Variants in TMEM120B observed in about 807,000 individuals in gnomAD.
TMEM120B encodes the protein transmembrane protein 120B.
In TMEM120B, 31 loss-of-function variants were observed where a neutral mutation model predicts 55.5. That is an observed-to-expected ratio of 0.56 (90% CI 0.42 to 0.75). TMEM120B has a LOEUF of 0.75. Ranked by LOEUF, TMEM120B falls within the 30% of genes least tolerant of loss-of-function variation. The pLI is 0.00. For synonymous variants in TMEM120B, 203 were observed against 176.3 expected, an observed-to-expected ratio of 1.15 and a Z score of -1.20; for missense variants, 399 against 425.5, an observed-to-expected ratio of 0.94 and a Z score of 0.55.
chr12:121,730,875 T>G (rs920554248), intron 1 of TMEM120B, among the ~76,000 whole-genome samples: 4 of 151,670 alleles, frequency 2.6e-5, no homozygotes, highest in African/African-American at 9.7e-5. Flanking sequence ...GGAGAATCAC[T>G]TGAACCCAGG....
At chr12:121,763,898 A>G (rs1338263686) in intron 6 of TMEM120B, among the ~76,000 whole-genome samples, 4 of 152,118 alleles carry the variant, frequency 2.6e-5, no homozygotes, top group African/African-American at 7.2e-5. Flanking sequence ...GTGGTTTCGT[A>G]TGGCAGGTCC....
Position 121,773,406 on chromosome 12 carries a change from G to A in TMEM120B, c.680-15G>A. The A allele has an allele frequency of 1.2e-6, 2 of 1,604,498 alleles. No homozygotes were observed. The highest frequency in any genetic ancestry group is 1.7e-6 in the Non-Finnish European group (2 of 1,175,648). On this transcript the variant is annotated splice_polypyrimidine_tract_variant and intron_variant, in intron 8 of 11. Coordinates refer to ENST00000449592, the MANE Select transcript of TMEM120B (RefSeq NM_001080825.2). ...ACACCAGGCCCTGAGCCCAGGTGCT[G>A]TGCTCCCCCTGCAGGCTGCGTCCAG...
chr12:121,739,278 A>G (rs1872850415), intron 1 of TMEM120B, among the ~76,000 whole-genome samples: 1 of 152,218 alleles, frequency 6.6e-6, no homozygotes, highest in Non-Finnish European at 1.5e-5. Flanking sequence ...AGATATGAAC[A>G]GTACCAGAAG....
chr12:121,781,164 G>C lies in TMEM120B; in HGVS notation c.*5442G>C, dbSNP rs923255605. On this transcript the variant is annotated 3_prime_UTR_variant, in exon 12 of 12. Transcript: ENST00000449592. ...CGAGGTGGGTGTTCTGGTAGGACAG[G>C]GGCCGCAGCCGGTCATAGTCTTCTT... 6.2e-7 allele frequency: 1 copy of C among 1,614,206 alleles called. No individual in the cohort carries two copies. The highest frequency in any genetic ancestry group is 8.5e-7 in the Non-Finnish European group (1 of 1,180,040).
chr12:121,750,498 C>A, intron 4 of TMEM120B, 59 bp downstream of exon 4: 1 of 1,403,570 alleles, frequency 7.1e-7, no homozygotes, highest in Admixed American at 1.8e-5. Context: ...ACACCCACAC[C>A]CACACCCCAA....
In TMEM120B at chr12:121,752,118, G is replaced by A. The variant is rs1440640572; in HGVS notation, c.366-10G>A. 4 of 1,612,386 alleles carry A rather than the reference G, an allele frequency of 2.5e-6. No homozygotes were observed. The Admixed American group carries it at 6.7e-5, about 27-fold the overall frequency. On this transcript the variant is annotated splice_polypyrimidine_tract_variant and intron_variant, in intron 4 of 11. Transcript: ENST00000449592. The stretch of plus-strand genomic sequence containing the variant: ...AAGGGGCACACCCCTGGGCGTGTCT[G>A]TCGTGGCAGGTTCGCCTACAAGGAC...
chr12:121,719,970 G>A (rs541259741), intron 1 of TMEM120B, among the ~76,000 whole-genome samples: 2 of 152,292 alleles, frequency 1.3e-5, no homozygotes, highest in South Asian at 4.1e-4. Flanking sequence ...AGAGTGCTGG[G>A]ATTATAGGCA....
At chr12:121,730,755 C>T (rs552491826) in intron 1 of TMEM120B, among the ~76,000 whole-genome samples, 6 of 150,478 alleles carry the variant, frequency 4.0e-5, no homozygotes, top group African/African-American at 9.8e-5. Flanking sequence ...GTTGGGAGTT[C>T]GAGACCAGCC....
chr12:121,763,572 A>G (rs1159485248), intron 6 of TMEM120B, among the ~76,000 whole-genome samples: 2 of 152,054 alleles, frequency 1.3e-5, no homozygotes, highest in African/African-American at 4.8e-5. Context: ...CCTCCCGAGT[A>G]GCTAGGATCA....
intron 6 of TMEM120B, among the ~76,000 whole-genome samples, chr12:121,762,467 T>C (rs1389799584): frequency 6.6e-6 from 1 of 152,154 alleles, no homozygotes. Context: ...TCCAAGACTC[T>C]CACTGGGTCG....
chr12:121,775,824 C>A lies in TMEM120B; in HGVS notation c.*102C>A. ...GGCCCGTGGCATCGCTGGGAGAGGG[C>A]CCAGGCCCTGGTCCCCCAGTGGACC... On this transcript the variant is annotated 3_prime_UTR_variant, in exon 12 of 12. Transcript: ENST00000449592. This position sits in a 1 kb window ranked among gnomAD's most constrained non-coding sequence, Gnocchi z 4.3. 1 of 1,291,652 alleles carries A rather than the reference C, an allele frequency of 7.7e-7. No homozygotes were observed. The highest frequency in any genetic ancestry group is 1.1e-6 in the Non-Finnish European group (1 of 912,726). 80.0% of individuals were successfully genotyped at this position (1,291,652 alleles called of 1,614,324 possible). A position where few individuals can be genotyped will look rare whatever the true frequency, so the allele number is the denominator to read the frequency against.
At chr12:121,729,487 C>T (rs1382066454) in intron 1 of TMEM120B, among the ~76,000 whole-genome samples, 1 of 152,158 alleles carries the variant, frequency 6.6e-6, no homozygotes, top group African/African-American at 2.4e-5. Flanking sequence ...TCCAGCAATT[C>T]CACTTCTGGG....
intron 1 of TMEM120B, among the ~76,000 whole-genome samples, chr12:121,717,673 T>C (rs1477523751): frequency 1.3e-5 from 2 of 152,222 alleles, no homozygotes; most frequent in Non-Finnish European, 2.9e-5. Context: ...TTCTTTTTTA[T>C]TTGAGACGGA....
At chr12:121,718,334 A>C (rs765393503) in intron 1 of TMEM120B, among the ~76,000 whole-genome samples, 1 of 151,950 alleles carries the variant, frequency 6.6e-6, no homozygotes, top group Non-Finnish European at 1.5e-5. Flanking sequence ...ACAAACAAAC[A>C]AACAAAAAAC....
At chr12:121,734,592 C>A (rs1023946250) in intron 1 of TMEM120B, among the ~76,000 whole-genome samples, 1 of 150,582 alleles carries the variant, frequency 6.6e-6, no homozygotes, top group Non-Finnish European at 1.5e-5. Context: ...TTTTAGTTTG[C>A]AAAATAAGTT....
At chr12:121,747,923 G>A (rs1355229232) in intron 2 of TMEM120B, among the ~76,000 whole-genome samples, 1 of 1,500 alleles carries the variant, frequency 6.7e-4, no homozygotes, top group Non-Finnish European at 1.8e-3. Flanking sequence ...AGGCACTGGG[G>A]TAGAAGGTGG....
rs1231784069 is a variant in TMEM120B at position 121,778,113 on chromosome 12, A to C, written c.*2391A>C. 6.6e-6 allele frequency: 1 copy of C among 152,156 alleles called. No individual in the cohort carries two copies. Among genetic ancestry groups the C allele is most frequent in the Non-Finnish European group, 1.5e-5 (1 of 68,038 alleles). The allele number at this position is 152,156 out of a possible 1,614,324, so 9.4% of individuals were successfully genotyped here. On this transcript the variant is annotated 3_prime_UTR_variant, in exon 12 of 12. Coordinates refer to ENST00000449592, the MANE Select transcript of TMEM120B (RefSeq NM_001080825.2). ...TCCTAGGCGCCCTCCAGAGCCAAGCAGCTTGCGACTTCTGGTAGGCACCGG... is the reference window on the plus strand; with the variant it reads ...TCCTAGGCGCCCTCCAGAGCCAAGCCGCTTGCGACTTCTGGTAGGCACCGG...
At chr12:121,760,292 C>A (rs1295706354) in intron 5 of TMEM120B, among the ~76,000 whole-genome samples, 3 of 148,510 alleles carry the variant, frequency 2.0e-5, no homozygotes, top group Non-Finnish European at 4.4e-5. Context: ...GAGACTCTGT[C>A]TCAAAAAAAA....
At chr12:121,722,606 G>A (rs1284536374) in intron 1 of TMEM120B, among the ~76,000 whole-genome samples, 1 of 152,124 alleles carries the variant, frequency 6.6e-6, no homozygotes, top group African/African-American at 2.4e-5. Flanking sequence ...AGTTGCAGAG[G>A]GGTATGTACA....
Sources: allele counts gnomAD v4.1 joint callset (sites outside exome capture counted in the v4.1 genomes callset), GRCh38; gene constraint gnomAD v4.1.1; non-coding constraint Gnocchi (gnomAD v3.1); transcripts MANE v1.5; gene names NCBI Gene and HGNC (gene_info 2026-07-23, HGNC 2026-07-21).